RALYL: variants seen among roughly 807,000 people sequenced by gnomAD.
RALYL encodes the protein RNA-binding Raly-like protein.
RALYL carries 29 observed loss-of-function variants against 35.1 expected under a neutral mutation model. The observed-to-expected ratio is 0.83, with a 90% CI of 0.61 to 1.13. The LOEUF is 1.13. Among genes scored for constraint, RALYL ranks in the 50% most tolerant of loss-of-function variants. RALYL has a pLI of 0.00. For missense variants in RALYL, 359 were observed against 360.4 expected, an observed-to-expected ratio of 1.00 and a Z score of 0.03; for synonymous variants, 120 against 127.6, an observed-to-expected ratio of 0.94 and a Z score of 0.40.
At chr8:84,520,461 T>C (rs906452729) in intron 1 of RALYL, among the ~76,000 whole-genome samples, 2 of 152,216 alleles carry the variant, frequency 1.3e-5, no homozygotes, top group African/African-American at 4.8e-5. Context: ...AAAATTGATA[T>C]TTAACTTTTC....
chr8:84,883,792 C>T (rs998841638), intron 7 of RALYL, among the ~76,000 whole-genome samples: 12 of 151,756 alleles, frequency 7.9e-5, no homozygotes, highest in Non-Finnish European at 1.8e-4. Context: ...TCAGTAGGGG[C>T]GAATAATTTT....
At chr8:84,440,875 T>C (rs1563936034) in intron 1 of RALYL, among the ~76,000 whole-genome samples, 2 of 152,076 alleles carry the variant, frequency 1.3e-5, no homozygotes, top group African/African-American at 2.4e-5. Context: ...TTAACTTGAT[T>C]TAATCTCTAC....
intron 2 of RALYL, among the ~76,000 whole-genome samples, chr8:84,665,121 G>C (rs1182475003): frequency 6.6e-6 from 1 of 151,968 alleles, no homozygotes; most frequent in Non-Finnish European, 1.5e-5. Context: ...TATGTGATGA[G>C]TCACTTTTAT....
chr8:84,602,201 T>G (rs990451472), intron 2 of RALYL, among the ~76,000 whole-genome samples: 5 of 152,044 alleles, frequency 3.3e-5, no homozygotes, highest in Non-Finnish European at 7.4e-5. Context: ...ACATATCCAA[T>G]AATTGCATCA....
chr8:84,479,323 T>C (rs1372026163), intron 1 of RALYL, among the ~76,000 whole-genome samples: 1 of 152,080 alleles, frequency 6.6e-6, no homozygotes, highest in African/African-American at 2.4e-5. Flanking sequence ...AATATTTTTC[T>C]CTTCCTTTCA....
intron 1 of RALYL, among the ~76,000 whole-genome samples, chr8:84,388,558 T>C (rs1859812376): frequency 6.6e-6 from 1 of 152,228 alleles, no homozygotes; most frequent in South Asian, 2.1e-4. Flanking sequence ...TGATATCTCA[T>C]TGTAGTTTTG....
chr8:84,205,210 G>C (rs892885945), intron 1 of RALYL, among the ~76,000 whole-genome samples: 4 of 152,160 alleles, frequency 2.6e-5, no homozygotes, highest in African/African-American at 9.7e-5. Flanking sequence ...ATGGCCACAG[G>C]TACTGTTCTC....
chr8:84,756,624 T>C (rs928790605), intron 2 of RALYL, among the ~76,000 whole-genome samples: 2 of 152,144 alleles, frequency 1.3e-5, no homozygotes, highest in African/African-American at 4.8e-5. Context: ...CAACGTCACC[T>C]GCTGATCCTG....
Position 84,783,273 on chromosome 8 carries a change from T to C in RALYL, c.332+8619T>C, listed in dbSNP as rs182430738. Among the ~76,000 whole-genome samples the C allele has an allele frequency of 1.8e-3, 279 of 152,296 alleles. 7 individuals are homozygous for C. Among genetic ancestry groups the C allele is most frequent in the Admixed American group, 0.018 (277 of 15,298 alleles). On this transcript the variant is annotated intron_variant, in intron 3 of 8. Coordinates refer to ENST00000521268, the MANE Select transcript of RALYL (RefSeq NM_173848.7). The stretch of plus-strand genomic sequence containing the variant: ...TAATTAAAACAAGTATTTTCCCAAG[T>C]CAGAAATCCTCTCCACAAAGCTAAT...
At chr8:84,606,834 T>C (rs1356288145) in intron 2 of RALYL, among the ~76,000 whole-genome samples, 2 of 152,106 alleles carry the variant, frequency 1.3e-5, no homozygotes, top group African/African-American at 4.8e-5. Flanking sequence ...TTAAGGTCTT[T>C]ATATAAGGGA....
chr8:84,208,128 G>C (rs569570375), intron 1 of RALYL, among the ~76,000 whole-genome samples: 2 of 151,918 alleles, frequency 1.3e-5, no homozygotes, highest in Non-Finnish European at 2.9e-5. Flanking sequence ...TACACATATC[G>C]GATTATGATA....
intron 2 of RALYL, among the ~76,000 whole-genome samples, chr8:84,605,770 C>T (rs998017541): frequency 1.3e-5 from 2 of 152,106 alleles, no homozygotes; most frequent in Admixed American, 6.6e-5. Context: ...TGAACTCCTG[C>T]CTCAGTAACC....
At chr8:84,523,778 T>C (rs2058668449) in intron 1 of RALYL, among the ~76,000 whole-genome samples, 2 of 151,520 alleles carry the variant, frequency 1.3e-5, no homozygotes, top group Non-Finnish European at 2.9e-5. Flanking sequence ...TGGTTTTTTG[T>C]TCTTGCGATA....
At chr8:84,620,516 C>T (rs1373964933) in intron 2 of RALYL, among the ~76,000 whole-genome samples, 1 of 152,080 alleles carries the variant, frequency 6.6e-6, no homozygotes, top group Non-Finnish European at 1.5e-5. Flanking sequence ...TCAAAGTTTT[C>T]AACTTCTTTG....
intron 2 of RALYL, among the ~76,000 whole-genome samples, chr8:84,533,230 T>C (rs984798117): frequency 3.3e-5 from 5 of 152,164 alleles, no homozygotes; most frequent in Admixed American, 6.5e-5. Flanking sequence ...CTAAGTTTGT[T>C]AATATTGGAA....
intron 1 of RALYL, among the ~76,000 whole-genome samples, chr8:84,415,021 G>A (rs1396669374): frequency 6.6e-6 from 1 of 151,964 alleles, no homozygotes; most frequent in South Asian, 2.1e-4. Context: ...TCACTGGAAT[G>A]GTCTGTCAAG....
At chr8:84,521,530 G>A (rs1359919004) in intron 1 of RALYL, among the ~76,000 whole-genome samples, 2 of 152,110 alleles carry the variant, frequency 1.3e-5, no homozygotes, top group Non-Finnish European at 2.9e-5. Context: ...ATGAACCAAG[G>A]TGATGGTTCC....
At chr8:84,615,880 A>T (rs1271070198) in intron 2 of RALYL, among the ~76,000 whole-genome samples, 1 of 87,326 alleles carries the variant, frequency 1.1e-5, no homozygotes, top group Non-Finnish European at 2.2e-5. Flanking sequence ...TTTACTGAGA[A>T]TGATGATTTC....
chr8:84,490,079 A>ATGTGTG (rs143193843), intron 1 of RALYL, among the ~76,000 whole-genome samples: 14,071 of 144,166 alleles, frequency 0.098, 741 homozygotes, highest in Admixed American at 0.13. Context: ...GCTTGCGTGC[A>ATGTGTG]TGTGTGTGTG....
Sources: allele counts gnomAD v4.1 joint callset (sites outside exome capture counted in the v4.1 genomes callset), GRCh38; gene constraint gnomAD v4.1.1; transcripts MANE v1.5; gene names NCBI Gene and HGNC (gene_info 2026-07-23, HGNC 2026-07-21).